Variants in ETAA1 observed in about 807,000 individuals in gnomAD.
ETAA1 encodes ETAA1 activator of ATR kinase.
Under a neutral mutation model 76.8 loss-of-function variants are expected in ETAA1, and 49 were observed. The ratio of observed to expected loss-of-function variants is 0.64; its 90% CI spans 0.51 to 0.81. ETAA1 has a LOEUF of 0.81. Among genes scored for constraint, ETAA1 ranks in the 30% least tolerant of loss-of-function variants. The pLI is 0.00. For missense variants in ETAA1, 1,099 were observed against 1,074.0 expected (o/e 1.02, Z -0.32); for synonymous variants, 373 against 372.2 (o/e 1.00, Z -0.03).
At chr2:67,407,246 TA>T (rs71395915) in intron 5 of ETAA1, among the ~76,000 whole-genome samples, 1,921 of 102,284 alleles carry the variant, frequency 0.019, 32 homozygotes, top group African/African-American at 0.053. Context: ...GCTGATGAAC[TA>T]AAAAAAAAAA....
rs1308438346 is a variant in ETAA1 at position 67,403,757 on chromosome 2, TC to T, written c.1077del (p.Cys360ValfsTer28). 1 of 1,613,402 alleles carries T rather than the reference TC, an allele frequency of 6.2e-7. No individual in the cohort carries two copies. Among genetic ancestry groups the T allele is most frequent in the Non-Finnish European group, 8.5e-7 (1 of 1,179,470 alleles). ...CATAATGACAAAATCATGTGTGACT[TC>T]CTGTACTAAGGAGCCAGAAACTTCT... ...TPIMTKSCVT[S>X]CTKEPETSNK... On this transcript the variant is annotated frameshift_variant, in exon 5 of 6. Coordinates refer to ENST00000272342, the MANE Select transcript of ETAA1 (RefSeq NM_019002.4). LOFTEE classifies it high-confidence loss of function.
At chr2:67,402,696 C>T (rs1298436606) in intron 3 of ETAA1, 166 bp from the exon 4 acceptor site, 5 of 341,458 alleles carry the variant, frequency 1.5e-5, no homozygotes, top group African/African-American at 2.1e-5. Context: ...TGCTATCTCC[C>T]AACTTCCTAT....
chr2:67,409,023 T>C (rs1187269615), intron 5 of ETAA1, among the ~76,000 whole-genome samples: 1 of 152,080 alleles, frequency 6.6e-6, no homozygotes, highest in Non-Finnish European at 1.5e-5. Context: ...GGGAAACTTA[T>C]TTAAAATATG....
chr2:67,397,512 G>C lies in ETAA1; in HGVS notation c.64G>C (p.Ala22Pro). The part of the protein sequence containing the change: ...SPKKTPHKTV[A>P]AEECGSVVEP... Reference sequence around the variant, plus strand: ...GAAGAAAACGCCGCACAAAACAGTGGCGGCGGAGGAATGCGGCTCGGTGGT... The same window carrying C: ...GAAGAAAACGCCGCACAAAACAGTGCCGGCGGAGGAATGCGGCTCGGTGGT... Residue 22 changes from alanine (A) to proline (P), a missense_variant, in exon 1 of 6, where the codon GCG becomes CCG. By Grantham distance (27) the Ala-to-Pro change is conservative. Coordinates refer to ENST00000272342, the MANE Select transcript of ETAA1 (RefSeq NM_019002.4). The C allele has an allele frequency of 6.2e-7, 1 of 1,600,014 alleles. No individual in the cohort carries two copies. Among genetic ancestry groups the C allele is most frequent in the Non-Finnish European group, 8.5e-7 (1 of 1,173,298 alleles).
Position 67,403,628 on chromosome 2 carries a change from A to T in ETAA1, c.946A>T (p.Thr316Ser), listed in dbSNP as rs762760683. 9 of 1,613,268 alleles carry T rather than the reference A, an allele frequency of 5.6e-6. No homozygotes were observed. Among genetic ancestry groups the T allele is most frequent in the Non-Finnish European group, 7.6e-6 (9 of 1,179,466 alleles). The change falls in exon 5 of 6, where the codon ACA (threonine) becomes TCA (serine). Residue 316 changes from threonine (T) to serine (S), a missense_variant. Transcript: ENST00000272342. ...WSTSNTTFVK[T>S]NALKEEKIIT... ...CACCAGTAATACTACCTTTGTAAAG[A>T]CAAATGCTTTGAAAGAGGAGAAAAT...
At chr2:67,398,831 T>G (rs1675972838) in intron 1 of ETAA1, among the ~76,000 whole-genome samples, 1 of 152,182 alleles carries the variant, frequency 6.6e-6, no homozygotes, top group Admixed American at 6.5e-5. Context: ...TTACTTTGGA[T>G]TTTTGAATGT....
intron 1 of ETAA1, among the ~76,000 whole-genome samples, chr2:67,398,370 C>G (rs1213408056): frequency 1.4e-5 from 2 of 143,958 alleles, no homozygotes; most frequent in Admixed American, 7.2e-5. Context: ...GAATCTCGCC[C>G]TGTCGCCCAG....
chr2:67,399,746 A>C, intron 3 of ETAA1, 120 bp downstream of exon 3: 1 of 598,716 alleles, frequency 1.7e-6, no homozygotes, highest in Non-Finnish European at 2.8e-6. Flanking sequence ...AAAATAAGGC[A>C]GCAAAGATTA....
chr2:67,406,247 A>G (rs1676217610), intron 5 of ETAA1, among the ~76,000 whole-genome samples: 1 of 152,006 alleles, frequency 6.6e-6, no homozygotes, highest in Admixed American at 6.6e-5. Flanking sequence ...CAAACAGTGT[A>G]TGTTTTTCTT....
At position 67,405,106 on chromosome 2, in the gene ETAA1, T is replaced by C. The variant is rs1170148566; in HGVS notation, c.2424T>C (p.Ala808=). The C allele has an allele frequency of 6.2e-7, 1 of 1,612,712 alleles. No individual in the cohort carries two copies. Among genetic ancestry groups the C allele is most frequent in the Admixed American group, 1.7e-5 (1 of 59,780 alleles). ...GCCATAAGACTGTAACAGATGAAGCTCAGAGCAACCTTAACACAACAGTTG... is the reference window on the plus strand; with the variant it reads ...GCCATAAGACTGTAACAGATGAAGCCCAGAGCAACCTTAACACAACAGTTG... ...QPCHKTVTDE[A]QSNLNTTVGF... The change falls in exon 5 of 6, where the codon GCT becomes GCC. Residue 808 remains alanine, a synonymous_variant. Coordinates refer to ENST00000272342, the MANE Select transcript of ETAA1 (RefSeq NM_019002.4).
At position 67,409,937 on chromosome 2, in the gene ETAA1, TCTC is replaced by T. The variant is rs1327465958; in HGVS notation, c.2683_2685del (p.Pro895del). On this transcript the variant is annotated inframe_deletion, in exon 6 of 6. Coordinates refer to ENST00000272342, the MANE Select transcript of ETAA1 (RefSeq NM_019002.4). The stretch of plus-strand genomic sequence containing the variant: ...GGAAGAAGAGAAAAATAGAAAGTGT[TCTC>T]CTGAAGAAATTCAGAGAAAAAGACA... 1.2e-6 allele frequency: 2 copies of T among 1,604,762 alleles called. No homozygotes were observed. Among genetic ancestry groups the T allele is most frequent in the African/African-American group, 1.3e-5 (1 of 74,270 alleles).
At chr2:67,399,676 C>T (rs773858278) in intron 3 of ETAA1, 50 bp downstream of exon 3, 5 of 1,267,858 alleles carry the variant, frequency 3.9e-6, no homozygotes, top group Non-Finnish European at 5.6e-6. Context: ...AAGAATGTGC[C>T]ACTAAGTTTT....
At position 67,403,657 on chromosome 2, in the gene ETAA1, T is replaced by G. The variant is rs1676118932; in HGVS notation, c.975T>G (p.Ile325Met). 1 of 1,613,354 alleles carries G rather than the reference T, an allele frequency of 6.2e-7. No homozygotes were observed. The highest frequency in any genetic ancestry group is 2.2e-5 in the East Asian group (1 of 44,864). ...KTNALKEEKI[I>M]TNETLVIEKL... ...ATGCTTTGAAAGAGGAGAAAATCATTACTAATGAAACTCTGGTCATTGAAA... is the reference window on the plus strand; with the variant it reads ...ATGCTTTGAAAGAGGAGAAAATCATGACTAATGAAACTCTGGTCATTGAAA... The change falls in exon 5 of 6, where the codon ATT becomes ATG. Residue 325 changes from isoleucine (I) to methionine (M), a missense_variant. This residue lies in a region of ETAA1 where 761 missense variants were observed against 731.9 expected (regional missense o/e 1.04). Transcript: ENST00000272342.
At chr2:67,401,921 A>C (rs1049421205) in intron 3 of ETAA1, 1 of 151,930 alleles carries the variant, frequency 6.6e-6, no homozygotes, top group Non-Finnish European at 1.5e-5. Context: ...TTTTCACCTA[A>C]ATCTTCTAGT....
rs747657104 is a variant in ETAA1 at position 67,403,244 on chromosome 2, G to A, written c.562G>A (p.Glu188Lys). 5 of 1,567,724 alleles carry A rather than the reference G, an allele frequency of 3.2e-6. No individual in the cohort carries two copies. Among genetic ancestry groups the A allele is most frequent in the Non-Finnish European group, 8.6e-7 (1 of 1,162,448 alleles). Residue 188 changes from glutamate to lysine, a missense_variant, in exon 5 of 6, where the codon GAA becomes AAA. Transcript: ENST00000272342. ...TAATAGGTTAAAAACACAAAGTCAAGAAGAAGAACTTATGAAACTGGCTAA... is the reference window on the plus strand; with the variant it reads ...TAATAGGTTAAAAACACAAAGTCAAAAAGAAGAACTTATGAAACTGGCTAA... ...SCTKLKTQSQ[E>K]EELMKLAKQF...
Position 67,403,397 on chromosome 2 carries a change from T to C in ETAA1, c.715T>C (p.Ser239Pro). 1 of 1,606,740 alleles carries C rather than the reference T, an allele frequency of 6.2e-7. No individual in the cohort carries two copies. Among genetic ancestry groups the C allele is most frequent in the African/African-American group, 1.3e-5 (1 of 74,744 alleles). The change falls in exon 5 of 6, where the codon TCA (serine) becomes CCA (proline). Residue 239 changes from serine to proline, a missense_variant. Physicochemically the swap from Ser to Pro is moderately conservative, Grantham distance 74. Coordinates refer to ENST00000272342, the MANE Select transcript of ETAA1 (RefSeq NM_019002.4). ...SNYKDNIQMW[S>P]LHNIVPEIDN... ...TTATAAAGATAATATACAGATGTGG[T>C]CATTACATAATATAGTTCCCGAAAT...
At chr2:67,398,324 T>C (rs2103737924) in intron 1 of ETAA1, among the ~76,000 whole-genome samples, 1 of 150,882 alleles carries the variant, frequency 6.6e-6, no homozygotes, top group East Asian at 2.0e-4. Context: ...TTTTTTTTTT[T>C]TTTTATACCT....
At chr2:67,397,796 C>T (rs1572905101) in intron 1 of ETAA1, 125 bp downstream of exon 1, 1 of 951,158 alleles carries the variant, frequency 1.1e-6, no homozygotes. Context: ...GGATTCACCC[C>T]TCGAGAGTCC....
At chr2:67,403,082 C>G in intron 4 of ETAA1, 108 bp downstream of exon 4, 4 of 1,150,178 alleles carry the variant, frequency 3.5e-6, no homozygotes, top group Non-Finnish European at 4.7e-6. Context: ...AATAAAATTT[C>G]CACAGTTTTG....
Sources: gnomAD v4.1 joint callset for allele counts (sites outside exome capture counted in the v4.1 genomes callset) on GRCh38, gnomAD v4.1.1 for gene constraint, gnomAD v4.1.1 regional missense constraint, MANE v1.5 for transcripts, NCBI Gene and HGNC (gene_info 2026-07-23, HGNC 2026-07-21) for gene names.